The following MED27 variants were observed in gnomAD, a reference collection of about 807,000 sequenced individuals.
MED27 encodes the protein mediator complex subunit 27, also known as mediator of RNA polymerase II transcription subunit 27.
MED27 carries 30 observed loss-of-function variants against 38.2 expected under a neutral mutation model. The ratio of observed to expected loss-of-function variants is 0.79; its 90% CI spans 0.59 to 1.07. The LOEUF (loss-of-function observed/expected upper bound fraction) is 1.07. Ranked by LOEUF, MED27 falls within the 50% of genes least tolerant of loss-of-function variation. The pLI is 0.00. For missense variants in MED27, 289 were observed against 397.5 expected (o/e 0.73, Z 2.32); for synonymous variants, 122 against 153.5 (o/e 0.79, Z 1.52).
chr9:131,977,115 C>T (rs1011569255), intron 3 of MED27, among the ~76,000 whole-genome samples: 2 of 152,208 alleles, frequency 1.3e-5, no homozygotes, highest in African/African-American at 4.8e-5. Flanking sequence ...TTCAGCCACT[C>T]GTTATTCCAA....
chr9:132,027,424 C>T (rs1832848407), intron 2 of MED27, among the ~76,000 whole-genome samples: 1 of 152,238 alleles, frequency 6.6e-6, no homozygotes, highest in African/African-American at 2.4e-5. Context: ...CCACAATCAA[C>T]TCCTCCTGAC....
At chr9:132,021,185 A>T (rs748298361) in intron 2 of MED27, among the ~76,000 whole-genome samples, 7 of 152,174 alleles carry the variant, frequency 4.6e-5, no homozygotes, top group Admixed American at 2.0e-4. Flanking sequence ...TCTTTCTTAA[A>T]TATCTGTAAT....
chr9:132,044,789 T>C (rs1023276629), intron 2 of MED27, among the ~76,000 whole-genome samples: 1 of 152,242 alleles, frequency 6.6e-6, no homozygotes, highest in Non-Finnish European at 1.5e-5. Context: ...CCTTCATTTC[T>C]GGTTAGTTTT....
At chr9:131,879,427 A>G (rs543107798) in intron 6 of MED27, among the ~76,000 whole-genome samples, 1 of 152,228 alleles carries the variant, frequency 6.6e-6, no homozygotes, top group African/African-American at 2.4e-5. Context: ...GCAACCACAT[A>G]ATGAAGGCCT....
chr9:132,004,861 CTCAT>C (rs1324321099), intron 3 of MED27, among the ~76,000 whole-genome samples: 1 of 152,198 alleles, frequency 6.6e-6, no homozygotes, highest in Admixed American at 6.5e-5. Context: ...GCCTTCAGGA[CTCAT>C]TCATTCAACC....
At chr9:131,949,645 T>C (rs1241631753) in intron 3 of MED27, among the ~76,000 whole-genome samples, 1 of 152,218 alleles carries the variant, frequency 6.6e-6, no homozygotes, top group Non-Finnish European at 1.5e-5. Context: ...AACTGAGAAA[T>C]CTTTTAGTAG....
chr9:131,893,920 C>A lies in MED27; in HGVS notation c.646G>T (p.Gly216Ter). The change falls in exon 5 of 8, where the codon GGA becomes TGA. Residue 216 changes from glycine (G) to a stop codon, truncating the protein, a stop_gained. Transcript: ENST00000292035. LOFTEE classifies it high-confidence loss of function. ...SLFIDRTIVK[G>*]YNENVYTEDG... ...TCTGTGTAGACATTCTCGTTATATC[C>A]CTTTACTATTGTTCGATCAATGAAC... is the stretch of plus-strand genomic sequence containing the variant. 2 of 1,614,148 alleles carry A rather than the reference C, an allele frequency of 1.2e-6. No homozygotes were observed. The highest frequency in any genetic ancestry group is 1.1e-5 in the South Asian group (1 of 91,074).
At chr9:132,064,540 T>C (rs1833768861) in intron 2 of MED27, among the ~76,000 whole-genome samples, 2 of 152,196 alleles carry the variant, frequency 1.3e-5, no homozygotes, top group African/African-American at 2.4e-5. Context: ...AAATGTAAGA[T>C]ATATAGTGTT....
At chr9:132,042,340 T>C (rs1833235392) in intron 2 of MED27, among the ~76,000 whole-genome samples, 1 of 152,250 alleles carries the variant, frequency 6.6e-6, no homozygotes, top group Non-Finnish European at 1.5e-5. Context: ...AAACTCTTTA[T>C]GCTCGAAAGT....
At chr9:131,939,513 C>G in intron 3 of MED27, 39 bp from the exon 4 acceptor site, 1 of 1,317,004 alleles carries the variant, frequency 7.6e-7, no homozygotes, top group Non-Finnish European at 1.1e-6. Flanking sequence ...AACTACAACT[C>G]CAGTTAAGAG....
At chr9:132,008,407 C>A (rs1440372565) in intron 3 of MED27, among the ~76,000 whole-genome samples, 4 of 152,220 alleles carry the variant, frequency 2.6e-5, no homozygotes, top group Non-Finnish European at 5.9e-5. Flanking sequence ...GAAACGATAG[C>A]ACCCCTTGTG....
chr9:131,897,014 G>A (rs1829843588), intron 4 of MED27, among the ~76,000 whole-genome samples: 1 of 152,264 alleles, frequency 6.6e-6, no homozygotes, highest in Admixed American at 6.5e-5. Context: ...ACAGGCGCAA[G>A]CCACCACGCC....
rs113721791 is a variant in MED27, at chr9:131,993,243, T to TA, written c.479+21093dup. 9.5e-3 allele frequency among the ~76,000 whole-genome samples: 1,432 copies of TA among 151,240 alleles called. 6 individuals carry two copies. The highest frequency in any genetic ancestry group is 0.034 in the Middle Eastern group (10 of 292). ...GTTGTTATTCATGTTTTTTTTTTTT[T>TA]AAAAAATTCAAGTTTTTCCTTACAG... is the stretch of plus-strand genomic sequence containing the variant. On this transcript the variant is annotated intron_variant, in intron 3 of 7. Transcript: ENST00000292035.
intron 3 of MED27, among the ~76,000 whole-genome samples, chr9:131,978,817 G>A (rs1831669834): frequency 6.6e-6 from 1 of 152,204 alleles, no homozygotes; most frequent in South Asian, 2.1e-4. Context: ...TGCAGAGCTG[G>A]AGAAACCATC....
At chr9:131,985,260 ATT>A (rs1166827754) in intron 3 of MED27, among the ~76,000 whole-genome samples, 2 of 151,774 alleles carry the variant, frequency 1.3e-5, no homozygotes, top group Non-Finnish European at 2.9e-5. Context: ...CTTTTTAAGA[ATT>A]TTCTTTCAAA....
chr9:131,913,538 G>A lies in MED27; in HGVS notation c.574-19546C>T, dbSNP rs1830228950. Among the ~76,000 whole-genome samples the A allele has an allele frequency of 6.6e-6, 1 of 152,132 alleles. No homozygotes were observed. The highest frequency in any genetic ancestry group is 1.5e-5 in the Non-Finnish European group (1 of 68,024). The stretch of plus-strand genomic sequence containing the variant: ...ATCAGAATAATATTCACAGTGGCAG[G>A]GGCATACTCTTCTAGGATCAAAAGG... On this transcript the variant is annotated intron_variant, in intron 4 of 7. Transcript: ENST00000292035. The surrounding 1 kb of genome is among the most constrained non-coding windows in gnomAD (Gnocchi z 4.5).
intron 2 of MED27, among the ~76,000 whole-genome samples, chr9:132,040,734 G>A (rs547243536): frequency 1.3e-5 from 2 of 152,244 alleles, no homozygotes; most frequent in East Asian, 1.9e-4. Flanking sequence ...TGTTTCTGCC[G>A]GTACGCCCTG....
chr9:131,954,153 G>A (rs1475109376), intron 3 of MED27, among the ~76,000 whole-genome samples: 1 of 152,158 alleles, frequency 6.6e-6, no homozygotes, highest in Non-Finnish European at 1.5e-5. Flanking sequence ...ATATATTGAA[G>A]AAGGAGAAAT....
chr9:131,944,530 C>CT (rs35269307), intron 3 of MED27, among the ~76,000 whole-genome samples: 6,643 of 141,054 alleles, frequency 0.047, 497 homozygotes, highest in African/African-American at 0.15. Flanking sequence ...GGTTTTTAGT[C>CT]TTTTTTTTTT....
Sources: gnomAD v4.1 joint callset for allele counts (sites outside exome capture counted in the v4.1 genomes callset) on GRCh38, gnomAD v4.1.1 for gene constraint, Gnocchi (gnomAD v3.1) non-coding constraint, MANE v1.5 for transcripts, NCBI Gene and HGNC (gene_info 2026-07-23, HGNC 2026-07-21) for gene names.